CEP164: variants seen among roughly 807,000 people sequenced by gnomAD.
CEP164 encodes the protein centrosomal protein 164, also known as centrosomal protein of 164 kDa.
CEP164 carries 162 observed loss-of-function variants against 182.7 expected under a neutral mutation model. That is an observed-to-expected ratio of 0.89 (90% CI 0.78 to 1.01). The LOEUF is 1.01. CEP164 is among the 50% of genes least tolerant of loss of function. The probability of loss-of-function intolerance (pLI) is 0.00; values close to 1 mark genes in which losing one functional copy is unlikely to be tolerated. For missense variants in CEP164, 1,735 were observed against 1,790.4 expected (o/e 0.97, Z 0.56); for synonymous variants, 661 against 690.0 (o/e 0.96, Z 0.66).
intron 11 of CEP164, among the ~76,000 whole-genome samples, chr11:117,378,474 C>T (rs907146430): frequency 1.3e-5 from 2 of 152,042 alleles, no homozygotes; most frequent in African/African-American, 4.8e-5. Context: ...TTAGATCTAC[C>T]ATATTCTTTT....
chr11:117,364,945 A>G (rs928594096), intron 8 of CEP164, among the ~76,000 whole-genome samples: 2 of 152,132 alleles, frequency 1.3e-5, no homozygotes, highest in African/African-American at 4.8e-5. Context: ...TTTTATTATC[A>G]AGCTGATATA....
intron 17 of CEP164, 37 bp downstream of exon 17, chr11:117,391,252 G>A (rs1372714149): frequency 6.4e-7 from 1 of 1,565,110 alleles, no homozygotes; most frequent in African/African-American, 1.4e-5. Flanking sequence ...CCTCTGACCT[G>A]TGTCTGGGCT....
chr11:117,411,742 G>C lies in CEP164; in HGVS notation c.4164-53G>C. 6.2e-7 allele frequency: 1 copy of C among 1,608,518 alleles called. No homozygotes were observed. Among genetic ancestry groups the C allele is most frequent in the Non-Finnish European group, 8.5e-7 (1 of 1,177,242 alleles). The stretch of plus-strand genomic sequence containing the variant: ...ATGTGATGGCCTCTGTGCATCCTCT[G>C]TCACTTCCGCGCCTCCTCTCTCCCC... On this transcript the variant is annotated intron_variant, in intron 31 of 32. Transcript: ENST00000278935. This position sits in a 1 kb window ranked among gnomAD's most constrained non-coding sequence, Gnocchi z 4.4.
At chr11:117,340,386 C>T (rs893664392) in intron 3 of CEP164, among the ~76,000 whole-genome samples, 6 of 152,174 alleles carry the variant, frequency 3.9e-5, no homozygotes, top group African/African-American at 9.7e-5. Flanking sequence ...GAAATTCTGA[C>T]GAGTTATGAT....
chr11:117,374,866 G>C (rs930324286), intron 10 of CEP164, among the ~76,000 whole-genome samples: 7 of 152,206 alleles, frequency 4.6e-5, no homozygotes, highest in Non-Finnish European at 1.0e-4. Flanking sequence ...AATCAGGGCT[G>C]ATGTGACAGA....
chr11:117,370,825 C>T (rs574493953), intron 8 of CEP164, among the ~76,000 whole-genome samples: 57 of 152,062 alleles, frequency 3.7e-4, no homozygotes, highest in Non-Finnish European at 6.3e-4. Context: ...GGACGAGAAT[C>T]GCTTGAACCC....
chr11:117,353,550 G>C (rs1027539977), intron 5 of CEP164, among the ~76,000 whole-genome samples: 1 of 152,210 alleles, frequency 6.6e-6, no homozygotes, highest in African/African-American at 2.4e-5. Context: ...AAAGGACCGA[G>C]ATGTAGATGT....
intron 27 of CEP164, among the ~76,000 whole-genome samples, chr11:117,407,067 AGCATGG>A (rs1276869681): frequency 6.6e-6 from 1 of 152,204 alleles, no homozygotes; most frequent in Admixed American, 6.5e-5. Context: ...ACTGGACTCC[AGCATGG>A]GTGACAGAGC....
intron 5 of CEP164, among the ~76,000 whole-genome samples, chr11:117,361,169 A>G (rs903434982): frequency 7.0e-6 from 1 of 143,060 alleles, no homozygotes; most frequent in Non-Finnish European, 1.5e-5. Context: ...TCCTGATCTC[A>G]GGTGATCCAC....
At chr11:117,336,478 G>A in intron 2 of CEP164, 1 of 1,487,160 alleles carries the variant, frequency 6.7e-7, no homozygotes, top group African/African-American at 1.4e-5. Context: ...GAGGAAAGCT[G>A]GATTGCCCTG....
At chr11:117,390,643 A>G (rs1158079075) in intron 15 of CEP164, 134 bp from the exon 16 acceptor site, 2 of 178,748 alleles carry the variant, frequency 1.1e-5, no homozygotes, top group South Asian at 1.8e-4. Flanking sequence ...CTCCAAAAAG[A>G]AAAAAAAAAA....
At position 117,390,886 on chromosome 11, in the gene CEP164, C is replaced by T. The variant is rs1206116722; in HGVS notation, c.2044C>T (p.Gln682Ter). ...CCGAGCTCAGGTCCAGTCCAGCACA[C>T]AAGCAGATGAGGACCAAATCAGGTA... is the stretch of plus-strand genomic sequence containing the variant. ...WLRAQVQSST[Q>*]ADEDQIRAEQ... Residue 682 changes from glutamine to a stop codon, truncating the protein, a stop_gained, in exon 16 of 33, where the codon CAA becomes TAA. Coordinates refer to ENST00000278935, the MANE Select transcript of CEP164 (RefSeq NM_014956.5). LOFTEE classifies it high-confidence loss of function. 5 of 1,613,854 alleles carry T rather than the reference C, an allele frequency of 3.1e-6. No homozygotes were observed. Among genetic ancestry groups the T allele is most frequent in the Non-Finnish European group, 3.4e-6 (4 of 1,180,000 alleles).
At chr11:117,390,644 A>G (rs1461776962) in intron 15 of CEP164, 133 bp from the exon 16 acceptor site, 2 of 722,094 alleles carry the variant, frequency 2.8e-6, no homozygotes, top group Non-Finnish European at 1.9e-6. Context: ...TCCAAAAAGA[A>G]AAAAAAAAAA....
At chr11:117,380,780 G>C (rs1481757178) in intron 12 of CEP164, 75 bp downstream of exon 12, 16 of 1,397,898 alleles carry the variant, frequency 1.1e-5, no homozygotes, top group Non-Finnish European at 1.5e-5. Flanking sequence ...TCTTGGCTTT[G>C]GTGGCCGGCC....
chr11:117,394,857 C>T lies in CEP164; in HGVS notation c.2761-63C>T. 6.6e-7 allele frequency: 1 copy of T among 1,525,960 alleles called. No homozygotes were observed. Among genetic ancestry groups the T allele is most frequent in the African/African-American group, 1.4e-5 (1 of 73,312 alleles). The allele number at this position is 1,525,960 out of a possible 1,614,324, so 94.5% of individuals were successfully genotyped here. A position where few individuals can be genotyped will look rare whatever the true frequency, so the allele number is the denominator to read the frequency against. On this transcript the variant is annotated intron_variant, in intron 21 of 32. Coordinates refer to ENST00000278935, the MANE Select transcript of CEP164 (RefSeq NM_014956.5). The surrounding 1 kb of genome is among the most constrained non-coding windows in gnomAD (Gnocchi z 4.0). ...GTGGCATGGTGGGTTCTGGAACCCC[C>T]TCCTGCCCCTCAGCTAATGCCTTAC...
rs1397292571 is a variant in CEP164, at chr11:117,344,202, C to T, written c.119C>T (p.Pro40Leu). The part of the protein sequence containing the change: ...LEFAREIGID[P>L]IKEPELMWLA... ...TTTGCCCGGGAGATTGGTATTGATCCCATCAAGGAACCAGAACTGATGTGG... is the reference window on the plus strand; with the variant it reads ...TTTGCCCGGGAGATTGGTATTGATCTCATCAAGGAACCAGAACTGATGTGG... The change falls in exon 4 of 33, where the codon CCC (proline) becomes CTC (leucine). Residue 40 changes from proline to leucine, a missense_variant. Physicochemically the swap from Pro to Leu is moderately conservative, Grantham distance 98. Coordinates refer to ENST00000278935, the MANE Select transcript of CEP164 (RefSeq NM_014956.5). 1.2e-6 allele frequency: 2 copies of T among 1,613,362 alleles called. No homozygotes were observed. The highest frequency in any genetic ancestry group is 1.7e-5 in the Admixed American group (1 of 59,934).
At chr11:117,410,998 T>G in intron 31 of CEP164, 104 bp downstream of exon 31, 1 of 1,055,118 alleles carries the variant, frequency 9.5e-7, no homozygotes. Flanking sequence ...CTCCTGGTCT[T>G]ACCCCAAGAA....
intron 1 of CEP164, among the ~76,000 whole-genome samples, chr11:117,335,050 T>C (rs576190): frequency 0.25 from 38,707 of 152,092 alleles, 5,061 homozygotes; most frequent in Admixed American, 0.29. Flanking sequence ...CTTTCCTTTT[T>C]TCTTCTCCTC....
intron 10 of CEP164, among the ~76,000 whole-genome samples, chr11:117,375,319 C>A (rs1304806161): frequency 1.3e-5 from 2 of 152,160 alleles, no homozygotes; most frequent in Non-Finnish European, 2.9e-5. Flanking sequence ...GCTGTGTGAC[C>A]CTGGGCGAGT....
Sources: gnomAD v4.1 joint callset for allele counts (sites outside exome capture counted in the v4.1 genomes callset) on GRCh38, gnomAD v4.1.1 for gene constraint, Gnocchi (gnomAD v3.1) non-coding constraint, MANE v1.5 for transcripts, NCBI Gene and HGNC (gene_info 2026-07-23, HGNC 2026-07-21) for gene names.